The following EPB41L4B variants were observed in gnomAD, a reference collection of about 807,000 sequenced individuals.
The protein encoded by EPB41L4B is band 4.1-like protein 4B.
In EPB41L4B, 30 loss-of-function variants were observed where a neutral mutation model predicts 112.5. The ratio of observed to expected loss-of-function variants is 0.27; its 90% CI spans 0.20 to 0.36. The LOEUF (loss-of-function observed/expected upper bound fraction) is 0.36. EPB41L4B is among the 10% of genes least tolerant of loss of function. The pLI, the probability that EPB41L4B is intolerant of heterozygous loss-of-function variation, is 1.00. For missense variants in EPB41L4B, 1,024 were observed against 1,133.3 expected, an observed-to-expected ratio of 0.90 and a Z score of 1.38; for synonymous variants, 408 against 439.7, an observed-to-expected ratio of 0.93 and a Z score of 0.90.
At position 109,210,085 on chromosome 9, in the gene EPB41L4B, C is replaced by CA. The variant is rs112355718; in HGVS notation, c.1753-2037dup. Among the ~76,000 whole-genome samples the CA allele has an allele frequency of 4.8e-3, 693 of 145,718 alleles. 4 individuals are homozygous for CA. Among genetic ancestry groups the CA allele is most frequent in the South Asian group, 0.025 (113 of 4,584 alleles). On this transcript the variant is annotated intron_variant, in intron 17 of 25. Transcript: ENST00000374566. ...TCTTTAGTTAGCAAATATATATAAC[C>CA]AAAAAAAAAAGAGCATTGGATGTGA...
At chr9:109,222,100 T>TTAAATAG (rs1833594302) in intron 15 of EPB41L4B, among the ~76,000 whole-genome samples, 1 of 151,896 alleles carries the variant, frequency 6.6e-6, no homozygotes, top group African/African-American at 2.4e-5. Flanking sequence ...GAGTAAAGAG[T>TTAAATAG]TAAACAGTAA....
chr9:109,205,750 A>T (rs1832972104), intron 18 of EPB41L4B, among the ~76,000 whole-genome samples: 2 of 152,178 alleles, frequency 1.3e-5, no homozygotes, highest in South Asian at 4.1e-4. Context: ...TGCACCAGGT[A>T]CTCTGCATAG....
intron 15 of EPB41L4B, chr9:109,241,555 T>C: frequency 6.5e-7 from 1 of 1,537,786 alleles, no homozygotes; most frequent in Non-Finnish European, 8.7e-7. Context: ...TCAGGACTAC[T>C]CCTTAAAGAC....
At chr9:109,243,709 A>C in intron 14 of EPB41L4B, 27 bp from the exon 15 acceptor site, 1 of 1,609,218 alleles carries the variant, frequency 6.2e-7, no homozygotes, top group South Asian at 1.1e-5. Context: ...AAACTTGATT[A>C]TTTGATGACC....
At chr9:109,286,941 T>C (rs1398779033) in intron 1 of EPB41L4B, among the ~76,000 whole-genome samples, 3 of 152,192 alleles carry the variant, frequency 2.0e-5, no homozygotes, top group African/African-American at 7.2e-5. Flanking sequence ...AGAGAGCTCC[T>C]ACCTTTGAGT....
At chr9:109,273,544 G>A (rs746869731) in intron 2 of EPB41L4B, among the ~76,000 whole-genome samples, 8 of 152,160 alleles carry the variant, frequency 5.3e-5, no homozygotes, top group Middle Eastern at 3.2e-3. Flanking sequence ...ACCACACCAC[G>A]CCCTGTGGCA....
chr9:109,280,981 G>A (rs1836012016), intron 1 of EPB41L4B, among the ~76,000 whole-genome samples: 1 of 152,096 alleles, frequency 6.6e-6, no homozygotes, highest in African/African-American at 2.4e-5. Flanking sequence ...AGACCTAAAT[G>A]TAAGAGCTAA....
At chr9:109,196,109 A>G (rs1832631191) in intron 20 of EPB41L4B, 1 of 151,744 alleles carries the variant, frequency 6.6e-6, no homozygotes, top group South Asian at 2.1e-4. Flanking sequence ...GAAATTGGCT[A>G]CTTTTCTCTT....
chr9:109,194,266 G>C lies in EPB41L4B; in HGVS notation c.2177C>G (p.Ser726Trp). The change falls in exon 21 of 26, where the codon TCG (serine) becomes TGG (tryptophan). Residue 726 changes from serine to tryptophan, a missense_variant. Physicochemically the swap from Ser to Trp is radical, Grantham distance 177. Coordinates refer to ENST00000374566, the MANE Select transcript of EPB41L4B (RefSeq NM_019114.5). Reference sequence around the variant, plus strand: ...GCCTTTGCCTTCTGACTTGTGAGGCGAGCTGACATTCTGGACCTTGGGGGA... The same window carrying C: ...GCCTTTGCCTTCTGACTTGTGAGGCCAGCTGACATTCTGGACCTTGGGGGA... ...LPSPKVQNVS[S>W]PHKSEGKGLL... 6.2e-7 allele frequency: 1 copy of C among 1,614,196 alleles called. No individual in the cohort carries two copies. Among genetic ancestry groups the C allele is most frequent in the Non-Finnish European group, 8.5e-7 (1 of 1,180,044 alleles).
chr9:109,240,333 G>C (rs1834310716), intron 15 of EPB41L4B: 1 of 985,394 alleles, frequency 1.0e-6, no homozygotes, highest in Non-Finnish European at 1.2e-6. Flanking sequence ...TAGGTAGTCA[G>C]CTCCACTGTG....
chr9:109,310,943 G>A (rs751571814), intron 1 of EPB41L4B, among the ~76,000 whole-genome samples: 4 of 152,184 alleles, frequency 2.6e-5, no homozygotes, highest in Non-Finnish European at 4.4e-5. Flanking sequence ...AGCACAAATG[G>A]ACAAATACTG....
rs1298348039 is a variant in EPB41L4B, at chr9:109,253,451, T to C, written c.1269A>G (p.Ser423=). The C allele has an allele frequency of 6.2e-7, 1 of 1,610,652 alleles. No individual in the cohort carries two copies. Among genetic ancestry groups the C allele is most frequent in the African/African-American group, 1.3e-5 (1 of 74,828 alleles). ...TGAAAAACACACAACCTTTGAACGTTGAATGTCTCCGGGATGGATAACGTT... is the reference window on the plus strand; with the variant it reads ...TGAAAAACACACAACCTTTGAACGTCGAATGTCTCCGGGATGGATAACGTT... ...PSKRYPSRRH[S]TFKASNPVIA... is the part of the protein sequence containing the mutation. Residue 423 remains serine, a synonymous_variant, in exon 12 of 26, where the codon TCA becomes TCG. Transcript: ENST00000374566.
chr9:109,309,239 A>T lies in EPB41L4B; in HGVS notation c.306+10902T>A, dbSNP rs58205316. ...CGCTACTCTGGAATATGCTTAGAAA[A>T]TTCCATAATAAAAACTTCAAAAAGA... On this transcript the variant is annotated intron_variant, in intron 1 of 25. Coordinates refer to ENST00000374566, the MANE Select transcript of EPB41L4B (RefSeq NM_019114.5). Among the ~76,000 whole-genome samples, 1,424 of 152,308 alleles carry T rather than the reference A, an allele frequency of 9.3e-3. 27 individuals are homozygous for T. The East Asian group carries it at 0.096, about 10-fold the overall frequency.
At chr9:109,255,992 A>G in intron 9 of EPB41L4B, 144 bp downstream of exon 9, 1 of 1,147,294 alleles carries the variant, frequency 8.7e-7, no homozygotes, top group Non-Finnish European at 1.2e-6. Flanking sequence ...TTTCAGCGCA[A>G]CTGCCACAGA....
At chr9:109,212,809 A>G (rs954074696) in intron 17 of EPB41L4B, among the ~76,000 whole-genome samples, 2 of 152,204 alleles carry the variant, frequency 1.3e-5, no homozygotes, top group African/African-American at 4.8e-5. Flanking sequence ...CAATGTCTGG[A>G]GACATTTTTG....
At chr9:109,313,725 C>T (rs1037301397) in intron 1 of EPB41L4B, among the ~76,000 whole-genome samples, 1 of 152,154 alleles carries the variant, frequency 6.6e-6, no homozygotes, top group African/African-American at 2.4e-5. Context: ...GCTCCCCACC[C>T]CAGCTAAGAG....
chr9:109,244,467 A>T (rs773668644), intron 14 of EPB41L4B, among the ~76,000 whole-genome samples: 63 of 77,030 alleles, frequency 8.2e-4, no homozygotes, highest in Non-Finnish European at 1.2e-3. Context: ...TTTTTTTTTT[A>T]CAGAGTCTCA....
chr9:109,320,460 G>GC lies in EPB41L4B; in HGVS notation c.-15dup. On this transcript the variant is annotated 5_prime_UTR_variant, in exon 1 of 26. Transcript: ENST00000374566. ...GAACCGCAGCATCCTGGCTGGGGGCGCCCCCTGCCTCCGCCCCCTGCGCTG... is the reference window on the plus strand; with the variant it reads ...GAACCGCAGCATCCTGGCTGGGGGCGCCCCCCTGCCTCCGCCCCCTGCGCTG... The GC allele has an allele frequency of 3.0e-6, 3 of 985,992 alleles. No homozygotes were observed. The highest frequency in any genetic ancestry group is 3.6e-6 in the Non-Finnish European group (3 of 832,886). 61.1% of individuals were successfully genotyped at this position (985,992 alleles called of 1,614,324 possible).
intron 17 of EPB41L4B, 26 bp from the exon 18 acceptor site, chr9:109,208,075 C>T (rs1472075674): frequency 6.2e-7 from 1 of 1,613,158 alleles, no homozygotes; most frequent in South Asian, 1.1e-5. Context: ...ATACAAACAG[C>T]AGATTGTAAA....
Sources: gnomAD v4.1 joint callset for allele counts (sites outside exome capture counted in the v4.1 genomes callset) on GRCh38, gnomAD v4.1.1 for gene constraint, MANE v1.5 for transcripts, NCBI Gene and HGNC (gene_info 2026-07-23, HGNC 2026-07-21) for gene names.